The following DAAM1 variants were observed in gnomAD, a reference collection of about 807,000 sequenced individuals.
The protein encoded by DAAM1 is dishevelled associated activator of morphogenesis 1, also known as disheveled-associated activator of morphogenesis 1.
A neutral mutation model predicts 130.0 loss-of-function variants in DAAM1; 52 were observed. That is an observed-to-expected ratio of 0.40 (90% CI 0.32 to 0.50). The LOEUF (loss-of-function observed/expected upper bound fraction) is 0.50. DAAM1 is among the 20% of genes least tolerant of loss of function. The pLI is 0.61. For synonymous variants in DAAM1, 452 were observed against 444.5 expected (o/e 1.02, Z -0.21); for missense variants, 1,134 against 1,303.8 (o/e 0.87, Z 2.01).
intron 16 of DAAM1, among the ~76,000 whole-genome samples, chr14:59,346,145 G>C (rs1052178715): frequency 6.7e-6 from 1 of 148,550 alleles, no homozygotes; most frequent in African/African-American, 2.5e-5. Context: ...TTTTGGGGGG[G>C]GGGGGGTGCC....
intron 18 of DAAM1, among the ~76,000 whole-genome samples, chr14:59,353,592 C>T (rs758463349): frequency 3.3e-5 from 5 of 152,204 alleles, no homozygotes; most frequent in Non-Finnish European, 7.3e-5. Context: ...TCAACAGCAG[C>T]AGCAGCAGGC....
intron 2 of DAAM1, among the ~76,000 whole-genome samples, chr14:59,273,916 GCT>G (rs1882835952): frequency 6.6e-6 from 1 of 152,138 alleles, no homozygotes; most frequent in Non-Finnish European, 1.5e-5. Context: ...GGAGGTAATT[GCT>G]CAATACCATG....
rs75196092 is a variant in DAAM1, at chr14:59,275,411, G to T, written c.183+11751G>T. 1.9e-3 allele frequency among the ~76,000 whole-genome samples: 284 copies of T among 151,970 alleles called. 3 individuals are homozygous for T. Among genetic ancestry groups the T allele is most frequent in the Non-Finnish European group, 3.3e-3 (224 of 67,988 alleles). On this transcript the variant is annotated intron_variant, in intron 2 of 24. Transcript: ENST00000360909. Reference sequence around the variant, plus strand: ...ACAAGTTTACCTATACAACAAACCTGCACGTGTACCCCGAACTTAAAAGTT... The same window carrying T: ...ACAAGTTTACCTATACAACAAACCTTCACGTGTACCCCGAACTTAAAAGTT...
chr14:59,211,451 T>C (rs1403794543), intron 1 of DAAM1, among the ~76,000 whole-genome samples: 2 of 152,188 alleles, frequency 1.3e-5, no homozygotes, highest in African/African-American at 4.8e-5. Context: ...GTGTAATAGT[T>C]GTTACAAGAG....
At chr14:59,354,458 G>C (rs745561824) in intron 19 of DAAM1, among the ~76,000 whole-genome samples, 6 of 152,086 alleles carry the variant, frequency 3.9e-5, no homozygotes, top group African/African-American at 1.4e-4. Flanking sequence ...CCCTAGTCTC[G>C]GAGCTCACAG....
intron 1 of DAAM1, among the ~76,000 whole-genome samples, chr14:59,222,641 G>C (rs1888812252): frequency 6.6e-6 from 1 of 152,328 alleles, no homozygotes; most frequent in South Asian, 2.1e-4. Flanking sequence ...GGGAAAAGAG[G>C]CTGACTGGCA....
chr14:59,329,621 G>C (rs1885342287), intron 12 of DAAM1, among the ~76,000 whole-genome samples: 1 of 152,184 alleles, frequency 6.6e-6, no homozygotes. Flanking sequence ...AGGAATTGGG[G>C]ACATGTATTT....
intron 1 of DAAM1, among the ~76,000 whole-genome samples, chr14:59,212,858 TA>T (rs1341130625): frequency 2.0e-5 from 3 of 152,206 alleles, no homozygotes; most frequent in Admixed American, 1.3e-4. Context: ...TCCTTTTTAA[TA>T]AAAAAGAATC....
chr14:59,219,444 G>C (rs1011983099), intron 1 of DAAM1, among the ~76,000 whole-genome samples: 6 of 152,144 alleles, frequency 3.9e-5, no homozygotes, highest in African/African-American at 1.4e-4. Flanking sequence ...GTTTCTTCTG[G>C]GTATAGCAAG....
At chr14:59,224,608 C>T (rs140292142) in intron 1 of DAAM1, among the ~76,000 whole-genome samples, 6 of 152,292 alleles carry the variant, frequency 3.9e-5, no homozygotes, top group African/African-American at 1.4e-4. Flanking sequence ...TTAGATGAGA[C>T]TATGGACTTT....
chr14:59,317,404 G>A (rs1011725929), intron 4 of DAAM1, among the ~76,000 whole-genome samples: 1 of 152,174 alleles, frequency 6.6e-6, no homozygotes, highest in African/African-American at 2.4e-5. Flanking sequence ...GCCTTGCATA[G>A]TTCTGGCTAA....
chr14:59,350,311 C>T (rs1406115175), intron 17 of DAAM1, among the ~76,000 whole-genome samples: 2 of 152,018 alleles, frequency 1.3e-5, no homozygotes, highest in Admixed American at 6.6e-5. Context: ...TCTGCAACCT[C>T]GCCCTCTCTA....
At chr14:59,297,532 T>C (rs1884000322) in intron 3 of DAAM1, among the ~76,000 whole-genome samples, 1 of 152,162 alleles carries the variant, frequency 6.6e-6, no homozygotes, top group Non-Finnish European at 1.5e-5. Flanking sequence ...TCTAAAGAAA[T>C]TTTAATGACA....
chr14:59,343,898 G>A (rs1885951972), intron 16 of DAAM1, among the ~76,000 whole-genome samples: 1 of 152,216 alleles, frequency 6.6e-6, no homozygotes, highest in African/African-American at 2.4e-5. Context: ...TACCTTTCAT[G>A]GGAAGAGAGT....
chr14:59,353,221 G>C (rs545889214), intron 18 of DAAM1, among the ~76,000 whole-genome samples: 2 of 152,152 alleles, frequency 1.3e-5, no homozygotes, highest in Non-Finnish European at 2.9e-5. Context: ...GAGCTAAGTC[G>C]ATCTGCTATC....
At chr14:59,272,525 C>T (rs1882753612) in intron 2 of DAAM1, among the ~76,000 whole-genome samples, 3 of 151,718 alleles carry the variant, frequency 2.0e-5, no homozygotes, top group Admixed American at 6.6e-5. Context: ...TGCAGTGAGC[C>T]GAGGTCGGGC....
Position 59,369,077 on chromosome 14 carries a change from G to T in DAAM1, c.*218G>T. On this transcript the variant is annotated 3_prime_UTR_variant, in exon 25 of 25. Coordinates refer to ENST00000360909, the MANE Select transcript of DAAM1 (RefSeq NM_001270520.2). ...GGAGACCTATACGTATGGTTAAAAA[G>T]ATTTATGTTAATGTATGTGCTCCAA... 2.0e-6 allele frequency: 1 copy of T among 497,006 alleles called. No individual in the cohort carries two copies. Among genetic ancestry groups the T allele is most frequent in the South Asian group, 2.7e-5 (1 of 36,650 alleles). The allele number at this position is 497,006 out of a possible 1,614,324, so 30.8% of individuals were successfully genotyped here. A position where few individuals can be genotyped will look rare whatever the true frequency, so the allele number is the denominator to read the frequency against.
At chr14:59,324,870 A>G (rs1459800794) in intron 8 of DAAM1, among the ~76,000 whole-genome samples, 1 of 152,226 alleles carries the variant, frequency 6.6e-6, no homozygotes, top group African/African-American at 2.4e-5. Context: ...CCCCTTTGAT[A>G]GGCATTCTGT....
chr14:59,213,673 C>G (rs570438486), intron 1 of DAAM1, among the ~76,000 whole-genome samples: 1 of 152,158 alleles, frequency 6.6e-6, no homozygotes, highest in South Asian at 2.1e-4. Flanking sequence ...GCAGGGTATA[C>G]GTATATGTAA....
Sources: gnomAD v4.1 joint callset for allele counts (sites outside exome capture counted in the v4.1 genomes callset) on GRCh38, gnomAD v4.1.1 for gene constraint, MANE v1.5 for transcripts, NCBI Gene and HGNC (gene_info 2026-07-23, HGNC 2026-07-21) for gene names.